NEGR1: variants seen among roughly 807,000 people sequenced by gnomAD.
NEGR1 encodes neuronal growth regulator 1.
In NEGR1, 10 loss-of-function variants were observed where a neutral mutation model predicts 40.9. The observed-to-expected ratio is 0.24, with a 90% CI of 0.15 to 0.42. NEGR1 has a LOEUF of 0.42. Among genes scored for constraint, NEGR1 ranks in the 10% least tolerant of loss-of-function variants. The probability of loss-of-function intolerance (pLI) is 1.00; values close to 1 mark genes in which losing one functional copy is unlikely to be tolerated. For missense variants in NEGR1, 352 were observed against 438.9 expected, an observed-to-expected ratio of 0.80 and a Z score of 1.77; for synonymous variants, 185 against 166.8, an observed-to-expected ratio of 1.11 and a Z score of -0.84.
At chr1:72,120,770 A>G (rs951786608) in intron 1 of NEGR1, among the ~76,000 whole-genome samples, 2 of 151,968 alleles carry the variant, frequency 1.3e-5, no homozygotes, top group African/African-American at 4.8e-5. Context: ...AACAAACACT[A>G]TTTTTAAAAG....
Position 72,248,578 on chromosome 1 carries a change from A to T in NEGR1, c.176+33741T>A, listed in dbSNP as rs566842211. On this transcript the variant is annotated intron_variant, in intron 1 of 6. Coordinates refer to ENST00000357731, the MANE Select transcript of NEGR1 (RefSeq NM_173808.3). ...CAGCCTGAGACTTCTATTTTTATTT[A>T]TTATTATTATTATTATTATTATTAT... Among the ~76,000 whole-genome samples the T allele has an allele frequency of 4.0e-3, 519 of 129,638 alleles. 2 individuals carry two copies. Among genetic ancestry groups the T allele is most frequent in the Middle Eastern group, 0.02 (5 of 250 alleles). The allele number at this position is 129,638 out of a possible 152,430, so 85.0% of individuals were successfully genotyped here.
At chr1:72,217,368 T>C (rs754593278) in intron 1 of NEGR1, among the ~76,000 whole-genome samples, 1 of 151,926 alleles carries the variant, frequency 6.6e-6, no homozygotes. Flanking sequence ...CAGAGCCTTT[T>C]ATAATATATC....
At chr1:71,499,918 C>T (rs1000085052) in intron 6 of NEGR1, among the ~76,000 whole-genome samples, 1 of 152,116 alleles carries the variant, frequency 6.6e-6, no homozygotes, top group African/African-American at 2.4e-5. Context: ...CTTACCTCAA[C>T]ACTGAGTCTT....
intron 2 of NEGR1, among the ~76,000 whole-genome samples, chr1:71,888,366 T>C (rs1278871433): frequency 6.6e-6 from 1 of 152,054 alleles, no homozygotes; most frequent in African/African-American, 2.4e-5. Context: ...GCGCCCACCG[T>C]GCGCGAGCCT....
chr1:71,740,027 T>A (rs1348285107), intron 3 of NEGR1, among the ~76,000 whole-genome samples: 1 of 152,168 alleles, frequency 6.6e-6, no homozygotes, highest in Non-Finnish European at 1.5e-5. Context: ...TATTAACAAG[T>A]TCAAATTCTT....
intron 6 of NEGR1, among the ~76,000 whole-genome samples, chr1:71,546,446 A>G (rs1647899098): frequency 6.6e-6 from 1 of 151,752 alleles, no homozygotes; most frequent in Non-Finnish European, 1.5e-5. Flanking sequence ...TAAATATAGG[A>G]TAACATAAAA....
chr1:72,151,057 C>T (rs1018235966), intron 1 of NEGR1, among the ~76,000 whole-genome samples: 6 of 151,582 alleles, frequency 4.0e-5, no homozygotes, highest in African/African-American at 1.5e-4. Flanking sequence ...TCTAACTGAC[C>T]CACCAAACAT....
At chr1:72,177,296 G>A (rs1652210794) in intron 1 of NEGR1, among the ~76,000 whole-genome samples, 1 of 152,014 alleles carries the variant, frequency 6.6e-6, no homozygotes, top group African/African-American at 2.4e-5. Flanking sequence ...ATGATGTGAT[G>A]AGTAAGGAAG....
intron 2 of NEGR1, among the ~76,000 whole-genome samples, chr1:71,855,700 ACTTTT>A (rs144227374): frequency 0.03 from 4,496 of 152,100 alleles, 206 homozygotes; most frequent in African/African-American, 0.1. Context: ...TTTTCATTAC[ACTTTT>A]CTTTTAAGGT....
intron 1 of NEGR1, among the ~76,000 whole-genome samples, chr1:72,253,520 T>A (rs1005573134): frequency 1.3e-5 from 2 of 152,162 alleles, no homozygotes; most frequent in Non-Finnish European, 2.9e-5. Context: ...CAATTATGGG[T>A]CTTTTCCATT....
intron 6 of NEGR1, among the ~76,000 whole-genome samples, chr1:71,449,277 C>T (rs1426867512): frequency 6.6e-6 from 1 of 152,134 alleles, no homozygotes; most frequent in East Asian, 1.9e-4. Context: ...AATGGCTAAC[C>T]TCACTTGATT....
At chr1:71,570,365 T>A (rs1648771679) in intron 6 of NEGR1, among the ~76,000 whole-genome samples, 1 of 152,146 alleles carries the variant, frequency 6.6e-6, no homozygotes, top group South Asian at 2.1e-4. Flanking sequence ...GGTTTTTATA[T>A]ATCTTAGAAA....
intron 1 of NEGR1, among the ~76,000 whole-genome samples, chr1:72,177,067 T>G (rs1238416352): frequency 6.6e-6 from 1 of 152,114 alleles, no homozygotes; most frequent in African/African-American, 2.4e-5. Flanking sequence ...ATCTTCACAA[T>G]AGTGAAAATC....
intron 4 of NEGR1, among the ~76,000 whole-genome samples, chr1:71,692,811 T>C (rs1653337198): frequency 6.6e-6 from 1 of 151,842 alleles, no homozygotes; most frequent in Non-Finnish European, 1.5e-5. Context: ...TGCCTGTAAC[T>C]TATTGGATAA....
chr1:71,927,324 T>C (rs749583607), intron 2 of NEGR1, among the ~76,000 whole-genome samples: 3 of 152,146 alleles, frequency 2.0e-5, no homozygotes, highest in African/African-American at 7.2e-5. Context: ...TAAGCACAGA[T>C]GGTGAACCTG....
intron 3 of NEGR1, among the ~76,000 whole-genome samples, chr1:71,774,679 AT>A (rs1158560074): frequency 2.0e-5 from 1 of 51,200 alleles, no homozygotes; most frequent in Non-Finnish European, 6.5e-5. Context: ...TGCTCAGGGT[AT>A]TTTCACAAAA....
intron 3 of NEGR1, among the ~76,000 whole-genome samples, chr1:71,743,241 T>C (rs1408177691): frequency 6.6e-6 from 1 of 152,014 alleles, no homozygotes; most frequent in African/African-American, 2.4e-5. Context: ...CTATGGAGGA[T>C]CAAAAAAATG....
At position 71,396,091 on chromosome 1, in the gene NEGR1, A is replaced by G. The variant is rs1398802262; in HGVS notation, c.*11355T>C. 1 of 152,104 alleles carries G rather than the reference A, an allele frequency of 6.6e-6. No homozygotes were observed. Among genetic ancestry groups the G allele is most frequent in the Admixed American group, 6.6e-5 (1 of 15,264 alleles). 9.4% of individuals were successfully genotyped at this position (152,104 alleles called of 1,614,324 possible). A position where few individuals can be genotyped will look rare whatever the true frequency, so the allele number is the denominator to read the frequency against. ...CACATGCACACACACACCGACACAC[A>G]CAAAAGAGCCTTTCTTAGGAGAAAA... On this transcript the variant is annotated 3_prime_UTR_variant, in exon 7 of 7. Transcript: ENST00000357731.
intron 3 of NEGR1, among the ~76,000 whole-genome samples, chr1:71,728,688 T>C (rs181627131): frequency 6.6e-6 from 1 of 152,328 alleles, no homozygotes; most frequent in Non-Finnish European, 1.5e-5. Flanking sequence ...TACTCCTCTG[T>C]AAAGAAAGGA....
Sources: gnomAD v4.1 joint callset for allele counts (sites outside exome capture counted in the v4.1 genomes callset) on GRCh38, gnomAD v4.1.1 for gene constraint, MANE v1.5 for transcripts, NCBI Gene and HGNC (gene_info 2026-07-23, HGNC 2026-07-21) for gene names.